ANO4: variants seen among roughly 807,000 people sequenced by gnomAD.
The protein encoded by ANO4 is anoctamin 4, also known as anoctamin-4.
ANO4 carries 69 observed loss-of-function variants against 141.9 expected under a neutral mutation model. That is an observed-to-expected ratio of 0.49 (90% CI 0.40 to 0.59). The LOEUF (loss-of-function observed/expected upper bound fraction) is 0.59, where lower values mean the gene tolerates loss of function less well. Ranked by LOEUF, ANO4 falls within the 20% of genes least tolerant of loss-of-function variation. The probability of loss-of-function intolerance (pLI) is 0.00; values close to 1 mark genes in which losing one functional copy is unlikely to be tolerated. For synonymous variants in ANO4, 350 were observed against 394.3 expected (o/e 0.89, Z 1.33); for missense variants, 894 against 1,162.2 (o/e 0.77, Z 3.36).
At position 100,987,487 on chromosome 12, in the gene ANO4, A is replaced by G; in HGVS notation, c.603-52A>G. 8 of 1,592,042 alleles carry G rather than the reference A, an allele frequency of 5.0e-6. No homozygotes were observed. In the South Asian group the frequency reaches 8.1e-5, roughly 16 times the overall value. On this transcript the variant is annotated intron_variant, in intron 7 of 27. Transcript: ENST00000392977. Reference sequence around the variant, plus strand: ...TGCGGAGACCTTCCTCCTGTGTTTCAGGGCATTGCTGACATGCTGTACCCT... The same window carrying G: ...TGCGGAGACCTTCCTCCTGTGTTTCGGGGCATTGCTGACATGCTGTACCCT...
At chr12:100,750,413 G>A (rs2032322107) in intron 3 of ANO4, among the ~76,000 whole-genome samples, 1 of 151,634 alleles carries the variant, frequency 6.6e-6, no homozygotes, top group Non-Finnish European at 1.5e-5. Flanking sequence ...CAAAGTGCTA[G>A]GATTACATGC....
rs140444887 is a variant in ANO4 at position 100,891,576 on chromosome 12, A to G, written c.-140-10070A>G. 5.1e-3 allele frequency among the ~76,000 whole-genome samples: 776 copies of G among 152,298 alleles called. 5 individuals carry two copies. Among genetic ancestry groups the G allele is most frequent in the Admixed American group, 0.012 (182 of 15,290 alleles). On this transcript the variant is annotated intron_variant, in intron 1 of 27. Coordinates refer to ENST00000392977, the MANE Select transcript of ANO4 (RefSeq NM_001286615.2). ...TGCAATTAATTACCCAATGACATCT[A>G]CATTATTTTTTAAGATTTATTTTTA... is the stretch of plus-strand genomic sequence containing the variant.
At chr12:100,974,351 CATATAT>C (rs765969900) in intron 6 of ANO4, among the ~76,000 whole-genome samples, 1 of 151,494 alleles carries the variant, frequency 6.6e-6, no homozygotes, top group Admixed American at 6.6e-5. Context: ...TTGTGAAATA[CATATAT>C]ATATATTTAT....
At chr12:100,992,906 T>C in intron 8 of ANO4, among the ~76,000 whole-genome samples, 1 of 152,154 alleles carries the variant, frequency 6.6e-6, no homozygotes, top group East Asian at 1.9e-4. Flanking sequence ...AAAAAACAAA[T>C]ACCTGCCAGC....
At chr12:100,835,763 T>A (rs2036878901) in intron 1 of ANO4, among the ~76,000 whole-genome samples, 1 of 152,122 alleles carries the variant, frequency 6.6e-6, no homozygotes, top group Admixed American at 6.6e-5. Context: ...TAGACAGATA[T>A]CAGTGAGGCT....
intron 3 of ANO4, among the ~76,000 whole-genome samples, chr12:100,742,047 C>A (rs2031890593): frequency 6.6e-6 from 1 of 152,078 alleles, no homozygotes; most frequent in Admixed American, 6.6e-5. Flanking sequence ...CAAACAAAAG[C>A]CTATAATTCT....
Position 101,083,832 on chromosome 12 carries a change from A to C in ANO4, c.1536+14A>C. The C allele has an allele frequency of 6.5e-7, 1 of 1,542,368 alleles. No individual in the cohort carries two copies. On this transcript the variant is annotated intron_variant, in intron 16 of 27. Transcript: ENST00000392977. ...ATATTTTTTATGGTTTGAAACTTTT[A>C]AAAAAATATTTGTTTCATAAAATAC...
chr12:100,812,228 TTTG>T (rs1329854888), intron 1 of ANO4, among the ~76,000 whole-genome samples: 1 of 152,200 alleles, frequency 6.6e-6, no homozygotes, highest in Non-Finnish European at 1.5e-5. Context: ...TTGTTATTGC[TTTG>T]TTGTTGTTCT....
At chr12:100,907,206 T>G (rs2040886248) in intron 2 of ANO4, among the ~76,000 whole-genome samples, 2 of 152,224 alleles carry the variant, frequency 1.3e-5, no homozygotes, top group Non-Finnish European at 2.9e-5. Context: ...TATCTCATTT[T>G]ACACTGTCAT....
intron 1 of ANO4, chr12:100,859,334 T>C (rs2038352185): frequency 6.6e-6 from 1 of 152,166 alleles, no homozygotes; most frequent in Admixed American, 6.6e-5. Flanking sequence ...TGACAGTAGT[T>C]GCTCTATCAA....
chr12:100,938,571 A>G (rs561757407), intron 3 of ANO4, among the ~76,000 whole-genome samples: 1 of 152,220 alleles, frequency 6.6e-6, no homozygotes, highest in Non-Finnish European at 1.5e-5. Flanking sequence ...GACTCAACCC[A>G]TATCTTTCCT....
intron 9 of ANO4, among the ~76,000 whole-genome samples, chr12:101,035,166 T>C (rs1593080664): frequency 1.3e-5 from 2 of 152,240 alleles, no homozygotes; most frequent in East Asian, 3.9e-4. Context: ...ATCAGGAGAA[T>C]AGATAAACAA....
intron 3 of ANO4, among the ~76,000 whole-genome samples, chr12:100,922,544 T>A (rs2041677471): frequency 6.6e-6 from 1 of 152,144 alleles, no homozygotes; most frequent in African/African-American, 2.4e-5. Flanking sequence ...AGTGGAATTT[T>A]TGAAAAAGCT....
At chr12:100,867,540 A>C (rs1212937134) in intron 1 of ANO4, among the ~76,000 whole-genome samples, 1 of 152,038 alleles carries the variant, frequency 6.6e-6, no homozygotes, top group Non-Finnish European at 1.5e-5. Flanking sequence ...TAGAGGACAA[A>C]CTGCTTTACT....
chr12:100,856,153 A>G lies in ANO4; in HGVS notation c.-140-45493A>G, dbSNP rs1289597659. Among the ~76,000 whole-genome samples, 3 of 152,106 alleles carry G rather than the reference A, an allele frequency of 2.0e-5. No individual in the cohort carries two copies. In the East Asian group the frequency reaches 5.8e-4, roughly 29 times the overall value. On this transcript the variant is annotated intron_variant, in intron 1 of 27. Transcript: ENST00000392977. ...GTGGCTGGAACAATGGGTGAGAGAA[A>G]GGAGCTTGTAGGAGACTTGAAGTAC... is the stretch of plus-strand genomic sequence containing the variant.
chr12:100,722,242 A>G (rs749944560), intron 1 of ANO4, among the ~76,000 whole-genome samples: 4 of 152,092 alleles, frequency 2.6e-5, no homozygotes, highest in South Asian at 2.1e-4. Flanking sequence ...ATGCTAGTCC[A>G]GGCCACCATC....
intron 14 of ANO4, among the ~76,000 whole-genome samples, chr12:101,073,731 T>G (rs995555974): frequency 3.3e-5 from 5 of 152,044 alleles, no homozygotes; most frequent in African/African-American, 9.7e-5. Flanking sequence ...AACACTAACC[T>G]GCCTGAACAC....
chr12:101,064,328 A>G (rs2653449), intron 14 of ANO4, among the ~76,000 whole-genome samples: 107,975 of 152,064 alleles, frequency 0.71, 39,615 homozygotes, highest in African/African-American at 0.89. Flanking sequence ...CTAAATTTCC[A>G]CTTGCTGTTA....
upstream of ANO4, among the ~76,000 whole-genome samples, chr12:100,790,188 T>C (rs1263304681): frequency 6.6e-6 from 1 of 152,086 alleles, no homozygotes; most frequent in African/African-American, 2.4e-5. Context: ...TGAGATAATA[T>C]AGGAAGTAAT....
Sources: gnomAD v4.1 joint callset for allele counts (sites outside exome capture counted in the v4.1 genomes callset) on GRCh38, gnomAD v4.1.1 for gene constraint, MANE v1.5 for transcripts, NCBI Gene and HGNC (gene_info 2026-07-23, HGNC 2026-07-21) for gene names.